The following PFKP variants were observed in gnomAD, a reference collection of about 807,000 sequenced individuals.
PFKP encodes phosphofructokinase, platelet.
Under a neutral mutation model 94.3 loss-of-function variants are expected in PFKP, and 101 were observed. That is an observed-to-expected ratio of 1.07 (90% CI 0.91 to 1.26). The LOEUF is 1.26. PFKP is among the 50% of genes most tolerant of loss of function. The pLI, the probability that PFKP is intolerant of heterozygous loss-of-function variation, is 0.00. For missense variants in PFKP, 1,145 were observed against 1,103.3 expected, an observed-to-expected ratio of 1.04 and a Z score of -0.53; for synonymous variants, 573 against 432.6, an observed-to-expected ratio of 1.32 and a Z score of -4.03.
intron 16 of PFKP, among the ~76,000 whole-genome samples, chr10:3,121,117 T>C (rs1286776896): frequency 6.6e-6 from 1 of 152,220 alleles, no homozygotes; most frequent in East Asian, 1.9e-4. Flanking sequence ...TTAGCACTCG[T>C]TTCTTGCTTT....
At position 3,133,746 on chromosome 10, in the gene PFKP, T is replaced by TGGCA. The variant is rs1270767448; in HGVS notation, c.2022+432_2022+433insGGCA. Among the ~76,000 whole-genome samples, 4 of 152,364 alleles carry TGGCA rather than the reference T, an allele frequency of 2.6e-5. No homozygotes were observed. In the East Asian group the frequency reaches 7.7e-4, roughly 29 times the overall value. On this transcript the variant is annotated intron_variant, in intron 19 of 21. Transcript: ENST00000381125. Reference sequence around the variant, plus strand: ...GTGCCCAGCCAAAACATCTGAACTTTTAAGTGATGCCAAACATCACCAGCT... The same window carrying TGGCA: ...GTGCCCAGCCAAAACATCTGAACTTTGGCATAAGTGATGCCAAACATCACCAGCT...
At chr10:3,082,717 C>T (rs1588408667) in intron 2 of PFKP, among the ~76,000 whole-genome samples, 1 of 152,224 alleles carries the variant, frequency 6.6e-6, no homozygotes, top group Non-Finnish European at 1.5e-5. Context: ...AAGCCATTTT[C>T]TTTTTTCTTT....
At chr10:3,121,803 C>CTTTTTTTTT (rs759926178) in intron 16 of PFKP, among the ~76,000 whole-genome samples, 445 of 32,596 alleles carry the variant, frequency 0.014, 32 homozygotes, top group Non-Finnish European at 0.021. Flanking sequence ...CTTTTTTTTT[C>CTTTTTTTTT]TTTTTTTTTT....
intron 16 of PFKP, among the ~76,000 whole-genome samples, chr10:3,120,301 G>A (rs1193746015): frequency 1.3e-5 from 2 of 152,078 alleles, no homozygotes; most frequent in East Asian, 1.9e-4. Context: ...AGGGGTGCCC[G>A]TGAGCACCCG....
At chr10:3,099,935 CTGAG>C (rs537892387) in intron 3 of PFKP, among the ~76,000 whole-genome samples, 96 of 150,620 alleles carry the variant, frequency 6.4e-4, no homozygotes, top group African/African-American at 2.2e-3. Flanking sequence ...GTGTGTGAGT[CTGAG>C]TGTGTATGTG....
intron 2 of PFKP, 144 bp downstream of exon 2, chr10:3,082,605 C>A: frequency 2.0e-6 from 1 of 496,210 alleles, no homozygotes; most frequent in East Asian, 3.3e-5. Context: ...CCAGCCAGGG[C>A]CGTTCCTCAG....
intron 6 of PFKP, 101 bp downstream of exon 6, chr10:3,105,260 A>C (rs1254856478): frequency 7.3e-7 from 1 of 1,363,590 alleles, no homozygotes; most frequent in African/African-American, 1.4e-5. Context: ...TCCCGTGGAA[A>C]GTCCTGAAGG....
At chr10:3,113,091 C>G (rs1329428541) in intron 11 of PFKP, 28 bp from the exon 12 acceptor site, 6 of 1,604,878 alleles carry the variant, frequency 3.7e-6, no homozygotes, top group South Asian at 1.1e-5. Context: ...ATTCTCGACT[C>G]CGGTCCAACG....
intron 19 of PFKP, among the ~76,000 whole-genome samples, chr10:3,134,266 T>G (rs2131738398): frequency 6.6e-6 from 1 of 152,324 alleles, no homozygotes; most frequent in Admixed American, 6.5e-5. Context: ...ACTTGTTCGG[T>G]TTATTAAAAT....
intron 4 of PFKP, among the ~76,000 whole-genome samples, chr10:3,102,250 C>CAAAAAAAAAAAAAAAA (rs757381364): frequency 5.5e-5 from 3 of 54,776 alleles, no homozygotes; most frequent in Non-Finnish European, 1.0e-4. Context: ...GACTCTGTCT[C>CAAAAAAAAAAAAAAAA]AAAAAAAAAA....
chr10:3,103,819 C>T lies in PFKP; in HGVS notation c.495C>T (p.Leu165=), dbSNP rs199806908. The change falls in exon 5 of 22, where the codon CTC becomes CTT. Residue 165 remains leucine (L), a synonymous_variant. Transcript: ENST00000381125. The part of the protein sequence containing the change: ...DKEAVQKYAY[L]NVVGMVGSID... Reference sequence around the variant, plus strand: ...AGGCCGTGCAGAAGTACGCCTACCTCAACGTGGTGGGCATGGTGGGCTCCA... The same window carrying T: ...AGGCCGTGCAGAAGTACGCCTACCTTAACGTGGTGGGCATGGTGGGCTCCA... 126 of 1,614,074 alleles carry T rather than the reference C, an allele frequency of 7.8e-5. No individual in the cohort carries two copies. The highest frequency in any genetic ancestry group is 1.1e-4 in the Non-Finnish European group (124 of 1,180,040).
intron 2 of PFKP, among the ~76,000 whole-genome samples, chr10:3,088,109 T>TA (rs1255716740): frequency 4.7e-5 from 7 of 150,322 alleles, no homozygotes; most frequent in Non-Finnish European, 5.9e-5. Context: ...ACTCGTCATT[T>TA]ACATTAGGTA....
Position 3,069,252 on chromosome 10 carries a change from A to G in PFKP, c.112+1545A>G, listed in dbSNP as rs1197272512. ...GTTAGCATTCCAGTAAAAGGACCCC[A>G]GCATCAACGTTCTTCCTGCAGGGCT... On this transcript the variant is annotated intron_variant, in intron 1 of 21. Coordinates refer to ENST00000381125, the MANE Select transcript of PFKP (RefSeq NM_002627.5). 3.4e-6 allele frequency: 5 copies of G among 1,456,308 alleles called. No homozygotes were observed. In the Admixed American group the frequency reaches 8.8e-5, roughly 25 times the overall value. The allele number at this position is 1,456,308 out of a possible 1,614,324, so 90.2% of individuals were successfully genotyped here.
At chr10:3,121,579 C>CTGT (rs1554775189) in intron 16 of PFKP, among the ~76,000 whole-genome samples, 2 of 85,212 alleles carry the variant, frequency 2.3e-5, no homozygotes, top group Non-Finnish European at 4.4e-5. Context: ...CTATAAATAA[C>CTGT]TGTTTTTTTT....
At position 3,119,990 on chromosome 10, in the gene PFKP, G is replaced by A. The variant is rs142710062; in HGVS notation, c.1629G>A (p.Val543=). 13 of 1,614,114 alleles carry A rather than the reference G, an allele frequency of 8.1e-6. No individual in the cohort carries two copies. The highest frequency in any genetic ancestry group is 1.1e-5 in the Non-Finnish European group (13 of 1,179,992). The change falls in exon 16 of 22, where the codon GTG becomes GTA. Residue 543 remains valine, a synonymous_variant. Transcript: ENST00000381125. ...VMVPATVSNN[V]PGSDFSIGAD... is the part of the protein sequence containing the mutation. ...TTCCCGCTACTGTGTCCAACAATGT[G>A]CCGGGTTCCGATTTCAGCATCGGGG...
At chr10:3,112,695 C>T (rs1836369824) in intron 11 of PFKP, among the ~76,000 whole-genome samples, 1 of 152,192 alleles carries the variant, frequency 6.6e-6, no homozygotes. Flanking sequence ...GTAGCTGCGA[C>T]TACCAGCTCG....
rs755208226 is a variant in PFKP, at chr10:3,082,402, G to T, written c.127G>T (p.Val43Phe). The T allele has an allele frequency of 6.2e-7, 1 of 1,606,482 alleles. No individual in the cohort carries two copies. Among genetic ancestry groups the T allele is most frequent in the Non-Finnish European group, 8.5e-7 (1 of 1,175,092 alleles). The change falls in exon 2 of 22, where the codon GTC (valine) becomes TTC (phenylalanine). Residue 43 changes from valine (V) to phenylalanine (F), a missense_variant. Val to Phe is a conservative substitution (Grantham distance 50). Coordinates refer to ENST00000381125, the MANE Select transcript of PFKP (RefSeq NM_002627.5). ...TTCCACTGCAGGTATGAACGCTGCCGTCCGTGCCGTGGTGCGCATGGGTAT... is the reference window on the plus strand; with the variant it reads ...TTCCACTGCAGGTATGAACGCTGCCTTCCGTGCCGTGGTGCGCATGGGTAT... The part of the protein sequence containing the change: ...GGDAQGMNAA[V>F]RAVVRMGIYV...
In PFKP at chr10:3,118,815, C is replaced by T. The variant is rs1837096385; in HGVS notation, c.1476C>T (p.Ala492=). The T allele has an allele frequency of 1.9e-6, 3 of 1,613,814 alleles. No homozygotes were observed. The highest frequency in any genetic ancestry group is 1.1e-5 in the South Asian group (1 of 90,976). Residue 492 remains alanine, a synonymous_variant, in exon 15 of 22, where the codon GCC becomes GCT. Coordinates refer to ENST00000381125, the MANE Select transcript of PFKP (RefSeq NM_002627.5). The stretch of plus-strand genomic sequence containing the variant: ...CGGGGAAGTACTTGGAAGAGATCGC[C>T]ACACAGATGCGCACGCACAGCATCA... ...VLPGKYLEEI[A]TQMRTHSINA...
chr10:3,120,060 C>T lies in PFKP; in HGVS notation c.1683+16C>T. The stretch of plus-strand genomic sequence containing the variant: ...TATCACCGACGTAAGTCCGTGTGCG[C>T]CCTGCCAGGCGGGCGCCGGCTGACG... On this transcript the variant is annotated intron_variant, in intron 16 of 21. Coordinates refer to ENST00000381125, the MANE Select transcript of PFKP (RefSeq NM_002627.5). The T allele has an allele frequency of 1.9e-6, 3 of 1,613,112 alleles. No individual in the cohort carries two copies. The highest frequency in any genetic ancestry group is 2.5e-6 in the Non-Finnish European group (3 of 1,179,630).
Sources: allele counts gnomAD v4.1 joint callset (sites outside exome capture counted in the v4.1 genomes callset), GRCh38; gene constraint gnomAD v4.1.1; transcripts MANE v1.5; gene names NCBI Gene and HGNC (gene_info 2026-07-23, HGNC 2026-07-21).